LRBA: variants seen among roughly 807,000 people sequenced by gnomAD.
The protein encoded by LRBA is LPS responsive beige-like anchor protein.
LRBA carries 176 observed loss-of-function variants against 330.0 expected under a neutral mutation model. The observed-to-expected ratio is 0.53, with a 90% CI of 0.47 to 0.60. LRBA has a LOEUF of 0.60. Ranked by LOEUF, LRBA falls within the 20% of genes least tolerant of loss-of-function variation. LRBA has a pLI of 0.00. For missense variants in LRBA, 3,259 were observed against 3,444.8 expected (o/e 0.95, Z 1.35); for synonymous variants, 1,230 against 1,193.0 (o/e 1.03, Z -0.64).
At chr4:150,885,202 A>C in intron 17 of LRBA, among the ~76,000 whole-genome samples, 1 of 24,740 alleles carries the variant, frequency 4.0e-5, no homozygotes, top group African/African-American at 4.7e-5. Flanking sequence ...AAGAGTTCCA[A>C]AAAAAAAAAA....
intron 37 of LRBA, among the ~76,000 whole-genome samples, chr4:150,674,416 A>G (rs1039933772): frequency 1.1e-4 from 16 of 151,934 alleles, no homozygotes; most frequent in Admixed American, 2.0e-4. Context: ...AAGCTTTATT[A>G]CTTGAAAAAC....
At chr4:150,343,891 G>A (rs1008533663) in intron 48 of LRBA, among the ~76,000 whole-genome samples, 2 of 152,264 alleles carry the variant, frequency 1.3e-5, no homozygotes, top group East Asian at 3.9e-4. Context: ...CTCATAAACA[G>A]AATCTTGTTG....
intron 30 of LRBA, among the ~76,000 whole-genome samples, chr4:150,822,360 T>C (rs888110597): frequency 1.3e-5 from 2 of 152,178 alleles, no homozygotes; most frequent in Non-Finnish European, 2.9e-5. Context: ...ATACATAAAA[T>C]TTTGATCATT....
chr4:150,601,781 T>C (rs1234215607), intron 37 of LRBA, among the ~76,000 whole-genome samples: 1 of 152,134 alleles, frequency 6.6e-6, no homozygotes, highest in Non-Finnish European at 1.5e-5. Flanking sequence ...AAGCTCCTTT[T>C]CCTGGGTTCA....
intron 2 of LRBA, among the ~76,000 whole-genome samples, chr4:150,973,410 G>A (rs1367127788): frequency 6.6e-6 from 1 of 152,050 alleles, no homozygotes; most frequent in Non-Finnish European, 1.5e-5. Context: ...CAGGTGATCT[G>A]CCCGCCTCAG....
intron 47 of LRBA, among the ~76,000 whole-genome samples, chr4:150,412,036 C>G (rs958163978): frequency 2.0e-5 from 3 of 152,086 alleles, no homozygotes; most frequent in African/African-American, 7.2e-5. Context: ...CTTTGTTCAT[C>G]AGAGGTGTAA....
chr4:150,373,172 T>TGTGTGTGAGA (rs1283762385), intron 47 of LRBA, among the ~76,000 whole-genome samples: 13 of 97,506 alleles, frequency 1.3e-4, no homozygotes, highest in African/African-American at 3.5e-4. Flanking sequence ...TGTGTGTGTG[T>TGTGTGTGAGA]GAGAGAGAGA....
At chr4:150,986,457 T>C (rs1741477140) in intron 2 of LRBA, among the ~76,000 whole-genome samples, 1 of 152,194 alleles carries the variant, frequency 6.6e-6, no homozygotes, top group Admixed American at 6.5e-5. Flanking sequence ...ACAGACTTGG[T>C]CAACTTTTGG....
intron 30 of LRBA, among the ~76,000 whole-genome samples, chr4:150,824,371 A>T (rs1209396809): frequency 6.6e-6 from 1 of 152,172 alleles, no homozygotes; most frequent in Non-Finnish European, 1.5e-5. Context: ...ATCTGCAAAC[A>T]ACTGACATCT....
intron 36 of LRBA, among the ~76,000 whole-genome samples, chr4:150,690,207 T>TA (rs1379989740): frequency 1.3e-5 from 2 of 152,006 alleles, no homozygotes; most frequent in African/African-American, 4.8e-5. Context: ...AAAACACATA[T>TA]AAAAACAGAA....
intron 40 of LRBA, among the ~76,000 whole-genome samples, chr4:150,504,845 G>A (rs1676806524): frequency 6.6e-6 from 1 of 152,122 alleles, no homozygotes; most frequent in Non-Finnish European, 1.5e-5. Flanking sequence ...CACATGCAGA[G>A]ACACACATAG....
At chr4:150,283,147 G>T (rs1193303712) in intron 54 of LRBA, among the ~76,000 whole-genome samples, 1 of 152,168 alleles carries the variant, frequency 6.6e-6, no homozygotes, top group Non-Finnish European at 1.5e-5. Context: ...CCCCGCAACT[G>T]CTCACTACTT....
At chr4:150,330,465 A>G (rs1481731884) in intron 48 of LRBA, among the ~76,000 whole-genome samples, 1 of 152,166 alleles carries the variant, frequency 6.6e-6, no homozygotes, top group Non-Finnish European at 1.5e-5. Flanking sequence ...TTTTGGCACC[A>G]GGGACTGGTT....
At chr4:150,728,600 T>C (rs1730021878) in intron 36 of LRBA, among the ~76,000 whole-genome samples, 1 of 151,598 alleles carries the variant, frequency 6.6e-6, no homozygotes, top group African/African-American at 2.4e-5. Flanking sequence ...GATAAAAAAA[T>C]GATCATTTCA....
intron 35 of LRBA, among the ~76,000 whole-genome samples, chr4:150,752,078 A>T (rs1365807341): frequency 1.3e-5 from 2 of 152,198 alleles, no homozygotes; most frequent in Non-Finnish European, 2.9e-5. Context: ...CTGAATTGGC[A>T]ATCCTTCTAA....
rs1285144014 is a variant in LRBA at position 150,817,548 on chromosome 4, T to C, written c.5172-291A>G. Among the ~76,000 whole-genome samples, 4 of 151,656 alleles carry C rather than the reference T, an allele frequency of 2.6e-5. No individual in the cohort carries two copies. In the East Asian group the frequency reaches 5.8e-4, roughly 22 times the overall value. On this transcript the variant is annotated intron_variant, in intron 30 of 56. Coordinates refer to ENST00000651943, the MANE Select transcript of LRBA (RefSeq NM_001364905.1). ...TCTTAATTATCTAACAAATAAAATA[T>C]AACCAAAAGTATTAAAGCAGAAAAT...
chr4:150,649,912 G>C (rs1442162664), intron 37 of LRBA, among the ~76,000 whole-genome samples: 1 of 152,074 alleles, frequency 6.6e-6, no homozygotes. Flanking sequence ...GTGAACCAAA[G>C]GTAGAGCTCC....
At chr4:150,449,475 CACA>C (rs567961809) in intron 44 of LRBA, among the ~76,000 whole-genome samples, 95 of 150,314 alleles carry the variant, frequency 6.3e-4, no homozygotes, top group African/African-American at 2.1e-3. Flanking sequence ...CTATCCACCC[CACA>C]ACAAGCCTGG....
At chr4:150,874,881 C>T (rs1485419384) in intron 17 of LRBA, among the ~76,000 whole-genome samples, 1 of 152,096 alleles carries the variant, frequency 6.6e-6, no homozygotes, top group Non-Finnish European at 1.5e-5. Flanking sequence ...CACTTGCTTG[C>T]CCAGATTGGC....
Sources: gnomAD v4.1 joint callset for allele counts (sites outside exome capture counted in the v4.1 genomes callset) on GRCh38, gnomAD v4.1.1 for gene constraint, MANE v1.5 for transcripts, NCBI Gene and HGNC (gene_info 2026-07-23, HGNC 2026-07-21) for gene names.